The following CNTNAP2 variants were observed in gnomAD, a reference collection of about 807,000 sequenced individuals.
The protein encoded by CNTNAP2 is contactin-associated protein-like 2.
CNTNAP2 carries 98 observed loss-of-function variants against 155.2 expected under a neutral mutation model. That is an observed-to-expected ratio of 0.63 (90% CI 0.54 to 0.75). CNTNAP2 has a LOEUF of 0.75. Among genes scored for constraint, CNTNAP2 ranks in the 30% least tolerant of loss-of-function variants. CNTNAP2 has a pLI of 0.00. For missense variants in CNTNAP2, 1,727 were observed against 1,688.1 expected, an observed-to-expected ratio of 1.02 and a Z score of -0.40; for synonymous variants, 651 against 631.2, an observed-to-expected ratio of 1.03 and a Z score of -0.47.
At chr7:147,897,629 C>G (rs1799798530) in intron 13 of CNTNAP2, among the ~76,000 whole-genome samples, 1 of 152,156 alleles carries the variant, frequency 6.6e-6, no homozygotes, top group Non-Finnish European at 1.5e-5. Flanking sequence ...TTCATGAGGT[C>G]AAAATGGAAC....
chr7:146,295,746 C>T (rs757251917), intron 1 of CNTNAP2, among the ~76,000 whole-genome samples: 26 of 151,674 alleles, frequency 1.7e-4, no homozygotes, highest in Middle Eastern at 3.2e-3. Flanking sequence ...GAATTATTAT[C>T]CTGAAAGCAG....
Position 147,681,905 on chromosome 7 carries a change from G to A in CNTNAP2, c.2098+42599G>A, listed in dbSNP as rs528650220. On this transcript the variant is annotated intron_variant, in intron 13 of 23. Transcript: ENST00000361727. ...TCAGCATCCACTGGGGTCTTGGAATGTGTCACCCATGGATAAAGGGGGAAT... is the reference window on the plus strand; with the variant it reads ...TCAGCATCCACTGGGGTCTTGGAATATGTCACCCATGGATAAAGGGGGAAT... Among the ~76,000 whole-genome samples the A allele has an allele frequency of 2.0e-5, 3 of 151,972 alleles. No homozygotes were observed. In the South Asian group the frequency reaches 6.2e-4, roughly 32 times the overall value.
rs533624067 is a variant in CNTNAP2, at chr7:146,245,154, G to T, written c.97+128181G>T. ...GCCATCAATAAATCAAGCGTGATCA[G>T]GGTGAGGAACAGGAAAGAAGGAAAT... On this transcript the variant is annotated intron_variant, in intron 1 of 23. Transcript: ENST00000361727. Among the ~76,000 whole-genome samples, 7 of 152,160 alleles carry T rather than the reference G, an allele frequency of 4.6e-5. No homozygotes were observed. In the East Asian group the frequency reaches 1.4e-3, roughly 30 times the overall value.
intron 15 of CNTNAP2, among the ~76,000 whole-genome samples, chr7:148,079,626 A>T (rs951967748): frequency 1.3e-5 from 2 of 152,206 alleles, no homozygotes; most frequent in African/African-American, 2.4e-5. Context: ...TCCCCACAAG[A>T]GACAGCTTTG....
intron 8 of CNTNAP2, among the ~76,000 whole-genome samples, chr7:147,254,097 G>A (rs188040433): frequency 1.3e-5 from 2 of 152,134 alleles, no homozygotes; most frequent in Middle Eastern, 3.4e-3. Flanking sequence ...GATTTCTGTG[G>A]TGAGTTCCCT....
At chr7:146,603,455 C>T (rs1377518206) in intron 1 of CNTNAP2, among the ~76,000 whole-genome samples, 1 of 150,258 alleles carries the variant, frequency 6.7e-6, no homozygotes, top group East Asian at 2.0e-4. Flanking sequence ...ATTCCATGCT[C>T]ATGGGTAGGA....
intron 1 of CNTNAP2, among the ~76,000 whole-genome samples, chr7:146,221,515 C>A (rs1444333334): frequency 2.0e-5 from 3 of 152,104 alleles, no homozygotes; most frequent in Non-Finnish European, 2.9e-5. Context: ...TTATTGATAA[C>A]CCTCCAGACC....
intron 3 of CNTNAP2, among the ~76,000 whole-genome samples, chr7:146,933,063 T>C (rs1381883558): frequency 6.6e-6 from 1 of 152,124 alleles, no homozygotes; most frequent in Non-Finnish European, 1.5e-5. Flanking sequence ...TCAATGACTT[T>C]CTTCACAGAA....
chr7:147,291,828 A>G (rs768056782), intron 8 of CNTNAP2, among the ~76,000 whole-genome samples: 21 of 152,170 alleles, frequency 1.4e-4, no homozygotes, highest in Non-Finnish European at 2.1e-4. Context: ...AATGGGTATA[A>G]AATTATATAT....
intron 13 of CNTNAP2, among the ~76,000 whole-genome samples, chr7:147,848,733 A>C (rs1426154242): frequency 6.6e-6 from 1 of 152,178 alleles, no homozygotes; most frequent in African/African-American, 2.4e-5. Flanking sequence ...AAAATAACTA[A>C]ATATTTAATT....
chr7:146,645,315 A>G (rs1294435115), intron 1 of CNTNAP2, among the ~76,000 whole-genome samples: 2 of 152,204 alleles, frequency 1.3e-5, no homozygotes, highest in African/African-American at 4.8e-5. Flanking sequence ...TAGGTAGTGC[A>G]GATAGAAGCA....
chr7:146,472,260 C>T (rs539365120), intron 1 of CNTNAP2, among the ~76,000 whole-genome samples: 1 of 152,198 alleles, frequency 6.6e-6, no homozygotes, highest in South Asian at 2.1e-4. Context: ...AAATCAATAA[C>T]AAATGAGTCC....
At chr7:147,943,036 CAA>C (rs879538481) in intron 14 of CNTNAP2, among the ~76,000 whole-genome samples, 2 of 141,474 alleles carry the variant, frequency 1.4e-5, no homozygotes, top group African/African-American at 2.6e-5. Context: ...GACTCCATCT[CAA>C]AAAAAAAAAA....
At chr7:146,920,915 T>C (rs369594249) in intron 3 of CNTNAP2, among the ~76,000 whole-genome samples, 8 of 152,266 alleles carry the variant, frequency 5.3e-5, no homozygotes, top group African/African-American at 1.9e-4. Context: ...CAGGAACCAG[T>C]AAAACAATGC....
In CNTNAP2 at chr7:147,840,008, T is replaced by C. The variant is rs558091032; in HGVS notation, c.2099-63557T>C. Among the ~76,000 whole-genome samples, 16 of 152,106 alleles carry C rather than the reference T, an allele frequency of 1.1e-4. No homozygotes were observed. In the South Asian group the frequency reaches 3.3e-3, roughly 32 times the overall value. ...CCATAAACAAGAATGAAATCATGTC[T>C]TTTGGAGCAACATGAATGGAATTGG... On this transcript the variant is annotated intron_variant, in intron 13 of 23. Transcript: ENST00000361727.
intron 8 of CNTNAP2, among the ~76,000 whole-genome samples, chr7:147,174,717 A>C (rs140720557): frequency 1.3e-5 from 2 of 152,256 alleles, no homozygotes; most frequent in East Asian, 3.9e-4. Flanking sequence ...GAAGAGAAAA[A>C]AGAATGTGAA....
At chr7:147,307,350 C>T (rs527821921) in intron 9 of CNTNAP2, among the ~76,000 whole-genome samples, 41 of 152,028 alleles carry the variant, frequency 2.7e-4, no homozygotes, top group Admixed American at 1.7e-3. Context: ...TTTGGGAGGC[C>T]GAGGCGGGCA....
At chr7:146,848,721 A>G (rs1259303724) in intron 3 of CNTNAP2, among the ~76,000 whole-genome samples, 1 of 152,166 alleles carries the variant, frequency 6.6e-6, no homozygotes, top group African/African-American at 2.4e-5. Flanking sequence ...GGGATTCTAT[A>G]AATAACTGCG....
At chr7:146,648,874 G>A (rs978752486) in intron 1 of CNTNAP2, among the ~76,000 whole-genome samples, 1 of 152,062 alleles carries the variant, frequency 6.6e-6, no homozygotes, top group Non-Finnish European at 1.5e-5. Flanking sequence ...ACAGAGGAGA[G>A]AAGTGGCTGA....
Sources: allele counts gnomAD v4.1 joint callset (sites outside exome capture counted in the v4.1 genomes callset), GRCh38; gene constraint gnomAD v4.1.1; transcripts MANE v1.5; gene names NCBI Gene and HGNC (gene_info 2026-07-23, HGNC 2026-07-21).